The following PHACTR2 variants were observed in gnomAD, a reference collection of about 807,000 sequenced individuals.
PHACTR2 encodes the protein phosphatase and actin regulator 2.
PHACTR2 carries 30 observed loss-of-function variants against 76.0 expected under a neutral mutation model. The ratio of observed to expected loss-of-function variants is 0.39; its 90% CI spans 0.30 to 0.54. The LOEUF is 0.54. Ranked by LOEUF, PHACTR2 falls within the 20% of genes least tolerant of loss-of-function variation. PHACTR2 has a pLI of 0.61. For missense variants in PHACTR2, 696 were observed against 781.1 expected (o/e 0.89, Z 1.30); for synonymous variants, 292 against 292.5 (o/e 1.00, Z 0.02).
chr6:143,770,354 T>C (rs1775069640), intron 6 of PHACTR2, among the ~76,000 whole-genome samples: 2 of 152,148 alleles, frequency 1.3e-5, no homozygotes, highest in Middle Eastern at 3.4e-3. Context: ...TGGGAGATAA[T>C]GGTTATGGGG....
At chr6:143,726,535 T>C (rs1333927170) in intron 2 of PHACTR2, among the ~76,000 whole-genome samples, 1 of 152,226 alleles carries the variant, frequency 6.6e-6, no homozygotes, top group African/African-American at 2.4e-5. Context: ...TTTTTGTGAC[T>C]AGTTTATTTC....
chr6:143,817,782 AC>A (rs1776331635), intron 12 of PHACTR2, among the ~76,000 whole-genome samples: 1 of 152,204 alleles, frequency 6.6e-6, no homozygotes, highest in Non-Finnish European at 1.5e-5. Flanking sequence ...ATTCTCACTT[AC>A]ACATAGAAGC....
chr6:143,583,748 G>T lies in PHACTR2; in HGVS notation c.217+46541G>T, dbSNP rs2128433430. On this transcript the variant is annotated intron_variant, in intron 1 of 11. Transcript: ENST00000367584. The surrounding 1 kb of genome is among the most constrained non-coding windows in gnomAD (Gnocchi z 4.0). Reference sequence around the variant, plus strand: ...TTTGCTCACTACATGCTAGATGCCAGACTATCATTTGTTGATTGGTTGATT... The same window carrying T: ...TTTGCTCACTACATGCTAGATGCCATACTATCATTTGTTGATTGGTTGATT... Among the ~76,000 whole-genome samples, 1 of 152,378 alleles carries T rather than the reference G, an allele frequency of 6.6e-6. No individual in the cohort carries two copies. Among genetic ancestry groups the T allele is most frequent in the East Asian group, 1.9e-4 (1 of 5,194 alleles).
At chr6:143,786,964 T>TA (rs1775571078) in intron 10 of PHACTR2, among the ~76,000 whole-genome samples, 1 of 152,182 alleles carries the variant, frequency 6.6e-6, no homozygotes, top group Admixed American at 6.5e-5. Flanking sequence ...CTGAAAGACT[T>TA]TATTGACTCA....
Position 143,823,660 on chromosome 6 carries a change from A to G in PHACTR2, c.1923-14A>G, listed in dbSNP as rs1776473939. 8 of 1,609,758 alleles carry G rather than the reference A, an allele frequency of 5.0e-6. No homozygotes were observed. The highest frequency in any genetic ancestry group is 1.3e-5 in the African/African-American group (1 of 74,826). On this transcript the variant is annotated splice_polypyrimidine_tract_variant and intron_variant, in intron 12 of 12. Coordinates refer to ENST00000440869, the MANE Select transcript of PHACTR2 (RefSeq NM_001100164.2). The surrounding 1 kb of genome is among the most constrained non-coding windows in gnomAD (Gnocchi z 5.7). The stretch of plus-strand genomic sequence containing the variant: ...CCTAGGCCACAGGCTTATAGTTTCT[A>G]TTTCTTACTCCAGGTTTCATCGTCC...
At position 143,624,537 on chromosome 6, in the gene PHACTR2, C is replaced by T. The variant is rs1776220922; in HGVS notation, c.13+16215C>T. 6.6e-6 allele frequency among the ~76,000 whole-genome samples: 1 copy of T among 152,172 alleles called. No homozygotes were observed. Among genetic ancestry groups the T allele is most frequent in the Non-Finnish European group, 1.5e-5 (1 of 68,024 alleles). ...CCTAAATTGAGGACAGACTTGAGGC[C>T]AAAATCAGCAATTTGGGATTATATC... On this transcript the variant is annotated intron_variant, in intron 1 of 11. Transcript: ENST00000305766. This position sits in a 1 kb window ranked among gnomAD's most constrained non-coding sequence, Gnocchi z 4.6.
rs1158355256 is a variant in PHACTR2, at chr6:143,556,313, A to G, written c.217+19106A>G. On this transcript the variant is annotated intron_variant, in intron 1 of 11. Coordinates refer to the PHACTR2 transcript ENST00000367584. This position sits in a 1 kb window ranked among gnomAD's most constrained non-coding sequence, Gnocchi z 4.3. The stretch of plus-strand genomic sequence containing the variant: ...GGACTTTAGGTGTGGGGCATCTCCA[A>G]TGCTCCTGCGTGCCAGGCACAAGGC... 6.6e-6 allele frequency among the ~76,000 whole-genome samples: 1 copy of G among 152,238 alleles called. No homozygotes were observed. The highest frequency in any genetic ancestry group is 2.4e-5 in the African/African-American group (1 of 41,456).
rs1316996214 is a variant in PHACTR2, at chr6:143,548,656, G to T, written c.217+11449G>T. On this transcript the variant is annotated intron_variant, in intron 1 of 11. Coordinates refer to the PHACTR2 transcript ENST00000367584. The surrounding 1 kb of genome is among the most constrained non-coding windows in gnomAD (Gnocchi z 4.5). ...TGGAGAGCACAGTTCCTCGATGAGA[G>T]GTGGGGGACTGGGAAAACACAACAA... Among the ~76,000 whole-genome samples, 6 of 152,016 alleles carry T rather than the reference G, an allele frequency of 3.9e-5. No homozygotes were observed. The highest frequency in any genetic ancestry group is 5.9e-5 in the Non-Finnish European group (4 of 67,972).
rs1778673113 is a variant in PHACTR2, at chr6:143,730,352, A to C, written c.214+18169A>C. 2.0e-5 allele frequency among the ~76,000 whole-genome samples: 3 copies of C among 152,152 alleles called. No individual in the cohort carries two copies. Among genetic ancestry groups the C allele is most frequent in the Admixed American group, 6.5e-5 (1 of 15,288 alleles). On this transcript the variant is annotated intron_variant, in intron 2 of 12. Transcript: ENST00000440869. The surrounding 1 kb of genome is among the most constrained non-coding windows in gnomAD (Gnocchi z 4.8). ...ATTTGATTAGCTTTTCCATTTTTTTATTAGCTTTTGAAGTTTTTAGAAAAC... is the reference window on the plus strand; with the variant it reads ...ATTTGATTAGCTTTTCCATTTTTTTCTTAGCTTTTGAAGTTTTTAGAAAAC...
chr6:143,606,648 T>TG (rs1775877459), upstream of PHACTR2, among the ~76,000 whole-genome samples: 1 of 152,176 alleles, frequency 6.6e-6, no homozygotes, highest in African/African-American at 2.4e-5. Flanking sequence ...CTCTTTTTTT[T>TG]CTTAAAAATA....
rs930066705 is a variant in PHACTR2, at chr6:143,656,957, GCTA to G, written c.13+48638_13+48640del. Among the ~76,000 whole-genome samples, 5 of 151,976 alleles carry G rather than the reference GCTA, an allele frequency of 3.3e-5. No homozygotes were observed. The highest frequency in any genetic ancestry group is 1.5e-5 in the Non-Finnish European group (1 of 68,024). On this transcript the variant is annotated intron_variant, in intron 1 of 11. Coordinates refer to the PHACTR2 transcript ENST00000305766. This position sits in a 1 kb window ranked among gnomAD's most constrained non-coding sequence, Gnocchi z 5.3. ...TTCAACTTGAACTAAGTTTGATGTG[GCTA>G]CTTTTTATTTTTTACTTTTCAAAAA...
rs1442554320 is a variant in PHACTR2 at position 143,625,046 on chromosome 6, C to T, written c.13+16724C>T. The stretch of plus-strand genomic sequence containing the variant: ...TGGTGCATGCCTGTAATCCTAGCTA[C>T]AGGGGAGGCTGAGGCAGGAGAATTG... On this transcript the variant is annotated intron_variant, in intron 1 of 11. Transcript: ENST00000305766. This position sits in a 1 kb window ranked among gnomAD's most constrained non-coding sequence, Gnocchi z 4.3. 6.6e-6 allele frequency among the ~76,000 whole-genome samples: 1 copy of T among 151,846 alleles called. No homozygotes were observed. The highest frequency in any genetic ancestry group is 1.5e-5 in the Non-Finnish European group (1 of 67,982).
Position 143,800,393 on chromosome 6 carries a change from C to T in PHACTR2, c.1846-6664C>T, listed in dbSNP as rs1775927275. ...TCTCCTGCCTCAGCCTCCTGAGTAG[C>T]TGGGACTACAGGTGCCCGCCACCAT... On this transcript the variant is annotated intron_variant, in intron 11 of 12. Coordinates refer to ENST00000440869, the MANE Select transcript of PHACTR2 (RefSeq NM_001100164.2). The surrounding 1 kb of genome is among the most constrained non-coding windows in gnomAD (Gnocchi z 4.8). 6.6e-6 allele frequency among the ~76,000 whole-genome samples: 1 copy of T among 152,166 alleles called. No individual in the cohort carries two copies. Among genetic ancestry groups the T allele is most frequent in the Admixed American group, 6.5e-5 (1 of 15,274 alleles).
intron 5 of PHACTR2, among the ~76,000 whole-genome samples, chr6:143,762,154 A>C (rs748743105): frequency 6.6e-6 from 1 of 152,150 alleles, no homozygotes; most frequent in Non-Finnish European, 1.5e-5. Flanking sequence ...GGAGGCACTG[A>C]TCTTCTTCTT....
In PHACTR2 at chr6:143,625,245, T is replaced by A. The variant is rs1367464573; in HGVS notation, c.13+16923T>A. 6.6e-6 allele frequency among the ~76,000 whole-genome samples: 1 copy of A among 152,212 alleles called. No homozygotes were observed. Among genetic ancestry groups the A allele is most frequent in the African/African-American group, 2.4e-5 (1 of 41,460 alleles). ...GTGACTATCGTTTAAAATACAGTCA[T>A]GTATACGTACAATAGAATTAGATAG... On this transcript the variant is annotated intron_variant, in intron 1 of 11. Transcript: ENST00000305766. The surrounding 1 kb of genome is among the most constrained non-coding windows in gnomAD (Gnocchi z 4.3).
At position 143,712,011 on chromosome 6, in the gene PHACTR2, T is replaced by C; in HGVS notation, c.47-5T>C. 6.9e-6 allele frequency: 11 copies of C among 1,598,980 alleles called. No homozygotes were observed. The highest frequency in any genetic ancestry group is 5.1e-6 in the Non-Finnish European group (6 of 1,172,824). ...CTTTCTCTGTCTATATCTTTCTTTA[T>C]ACAGTTGACGGACTGGACAAAGCTT... On this transcript the variant is annotated splice_region_variant and splice_polypyrimidine_tract_variant and intron_variant, in intron 1 of 12. Transcript: ENST00000440869.
chr6:143,737,316 T>C (rs1778844427), intron 2 of PHACTR2, among the ~76,000 whole-genome samples: 2 of 151,814 alleles, frequency 1.3e-5, no homozygotes, highest in South Asian at 4.1e-4. Context: ...TATTATTTTT[T>C]AGAGTGATGG....
chr6:143,802,977 T>C (rs1324265179), intron 11 of PHACTR2, among the ~76,000 whole-genome samples: 1 of 152,192 alleles, frequency 6.6e-6, no homozygotes, highest in Non-Finnish European at 1.5e-5. Context: ...TCCATTGCCA[T>C]ATCATTCACA....
rs997181238 is a variant in PHACTR2 at position 143,591,698 on chromosome 6, A to G, written c.217+54491A>G. Among the ~76,000 whole-genome samples the G allele has an allele frequency of 1.3e-5, 2 of 152,206 alleles. No individual in the cohort carries two copies. Among genetic ancestry groups the G allele is most frequent in the African/African-American group, 4.8e-5 (2 of 41,438 alleles). ...CCAGTGGCGATAGATGACGATCCCA[A>G]TGCTGCACTGACATGTGGGCATAAG... On this transcript the variant is annotated intron_variant, in intron 1 of 11. Coordinates refer to the PHACTR2 transcript ENST00000367584. The surrounding 1 kb of genome is among the most constrained non-coding windows in gnomAD (Gnocchi z 6.4).
Sources: gnomAD v4.1 joint callset for allele counts (sites outside exome capture counted in the v4.1 genomes callset) on GRCh38, gnomAD v4.1.1 for gene constraint, Gnocchi (gnomAD v3.1) non-coding constraint, MANE v1.5 for transcripts, NCBI Gene and HGNC (gene_info 2026-07-23, HGNC 2026-07-21) for gene names.